Variants in CCM2 observed in about 807,000 individuals in gnomAD.
CCM2 encodes the protein cerebral cavernous malformations 2 protein.
In CCM2, 25 loss-of-function variants were observed where a neutral mutation model predicts 44.9. The observed-to-expected ratio is 0.56, with a 90% confidence interval of 0.41 to 0.78. The LOEUF (loss-of-function observed/expected upper bound fraction) is 0.78. Among genes scored for constraint, CCM2 ranks in the 30% least tolerant of loss-of-function variants. The pLI is 0.00. For missense variants in CCM2, 481 were observed against 580.6 expected, an observed-to-expected ratio of 0.83 and a Z score of 1.76; for synonymous variants, 219 against 241.1, an observed-to-expected ratio of 0.91 and a Z score of 0.85.
intron 2 of CCM2, among the ~76,000 whole-genome samples, chr7:45,049,951 G>T (rs1411461175): frequency 6.6e-6 from 1 of 152,186 alleles, no homozygotes; most frequent in Non-Finnish European, 1.5e-5. Flanking sequence ...ATTGTATTAG[G>T]TATAAGTAAT....
chr7:45,044,627 T>C (rs1295208903), intron 2 of CCM2, among the ~76,000 whole-genome samples: 2 of 152,222 alleles, frequency 1.3e-5, no homozygotes, highest in Non-Finnish European at 2.9e-5. Context: ...GGCTGTCTTT[T>C]TATGTTCAGT....
At chr7:45,020,095 A>C (rs1025369789) in intron 1 of CCM2, among the ~76,000 whole-genome samples, 1 of 151,020 alleles carries the variant, frequency 6.6e-6, no homozygotes, top group Non-Finnish European at 1.5e-5. Context: ...CAGGCCAATA[A>C]AATTGCAGCT....
At chr7:45,030,884 C>A (rs184390528) in intron 1 of CCM2, among the ~76,000 whole-genome samples, 1 of 151,790 alleles carries the variant, frequency 6.6e-6, no homozygotes, top group Non-Finnish European at 1.5e-5. Context: ...CCACCATGCC[C>A]GGCTAATTTT....
intron 2 of CCM2, among the ~76,000 whole-genome samples, chr7:45,056,281 C>A (rs1238632639): frequency 6.6e-6 from 1 of 152,194 alleles, no homozygotes; most frequent in Non-Finnish European, 1.5e-5. Flanking sequence ...ACAGGAGTAT[C>A]ATTTTACATT....
chr7:45,020,179 C>T (rs926002170), intron 1 of CCM2, among the ~76,000 whole-genome samples: 1 of 152,160 alleles, frequency 6.6e-6, no homozygotes, highest in Admixed American at 6.5e-5. Flanking sequence ...GTGGATCTTG[C>T]CCAGTGATGT....
At chr7:45,050,770 GT>G (rs1797966145) in intron 2 of CCM2, among the ~76,000 whole-genome samples, 1 of 152,112 alleles carries the variant, frequency 6.6e-6, no homozygotes, top group South Asian at 2.1e-4. Context: ...TGTAAAGTTA[GT>G]TTTAAATGTT....
chr7:45,068,867 C>T (rs1798917508), intron 5 of CCM2, among the ~76,000 whole-genome samples: 2 of 152,254 alleles, frequency 1.3e-5, no homozygotes. Flanking sequence ...GGTTCCCACC[C>T]CTGTGCCTTC....
intron 2 of CCM2, among the ~76,000 whole-genome samples, chr7:45,055,162 C>T (rs1798199974): frequency 6.6e-6 from 1 of 152,100 alleles, no homozygotes; most frequent in Non-Finnish European, 1.5e-5. Flanking sequence ...GTCGTGTCAC[C>T]CCAGCCACAG....
chr7:45,052,575 A>G (rs1562895568), intron 2 of CCM2, among the ~76,000 whole-genome samples: 2 of 152,242 alleles, frequency 1.3e-5, no homozygotes, highest in African/African-American at 2.4e-5. Context: ...TCCATCCCAC[A>G]TGAACATCAG....
intron 2 of CCM2, among the ~76,000 whole-genome samples, chr7:45,063,598 A>G (rs1317103947): frequency 1.3e-5 from 2 of 152,188 alleles, no homozygotes; most frequent in Admixed American, 6.5e-5. Context: ...AACCCTGACC[A>G]TCCCTGTTTT....
intron 7 of CCM2, 153 bp from the exon 8 acceptor site, chr7:45,073,307 C>T (rs1404282154): frequency 3.0e-6 from 2 of 663,852 alleles, no homozygotes; most frequent in African/African-American, 1.8e-5. Flanking sequence ...CCTGCATGCC[C>T]AGTCAGCTCT....
chr7:45,017,113 T>C (rs1263523951), intron 1 of CCM2, among the ~76,000 whole-genome samples: 1 of 152,234 alleles, frequency 6.6e-6, no homozygotes, highest in Non-Finnish European at 1.5e-5. Flanking sequence ...GGGGTACATG[T>C]GCAGGTTTGT....
intron 1 of CCM2, chr7:45,027,539 T>TTTC (rs1796744496): frequency 7.4e-7 from 1 of 1,343,616 alleles, no homozygotes; most frequent in African/African-American, 1.5e-5. Context: ...TTGCCAACAG[T>TTTC]TTCTGGGTGC....
chr7:45,027,026 G>C (rs1313685136), intron 1 of CCM2: 1 of 154,846 alleles, frequency 6.5e-6, no homozygotes, highest in Non-Finnish European at 1.4e-5. Flanking sequence ...AATTTGCCTT[G>C]AAGAAGTGAG....
rs1433475038 is a variant in CCM2 at position 45,002,929 on chromosome 7, G to T, written c.30+2566G>T. ...CTGGCCACTAAAGGTGTGGGGCCTGGGGAGTAGAAGTGACCACTTGGGGCT... is the reference window on the plus strand; with the variant it reads ...CTGGCCACTAAAGGTGTGGGGCCTGTGGAGTAGAAGTGACCACTTGGGGCT... On this transcript the variant is annotated intron_variant, in intron 1 of 9. Coordinates refer to ENST00000258781, the MANE Select transcript of CCM2 (RefSeq NM_031443.4). Among the ~76,000 whole-genome samples the T allele has an allele frequency of 3.3e-5, 5 of 152,252 alleles. No individual in the cohort carries two copies. In the East Asian group the frequency reaches 9.6e-4, roughly 29 times the overall value.
In CCM2 at chr7:45,064,466, G is replaced by C; in HGVS notation, c.292G>C (p.Ala98Pro). Residue 98 changes from alanine to proline, a missense_variant, in exon 4 of 10, where the codon GCC (alanine) becomes CCC (proline). Coordinates refer to ENST00000258781, the MANE Select transcript of CCM2 (RefSeq NM_031443.4). The stretch of plus-strand genomic sequence containing the variant: ...GATGCCCTGTGGTTCCTTCCAGAGA[G>C]CCCACCAGCTTCCGGGACACTTGAC... ...ILHFIDNAKR[A>P]HQLPGHLTQE... is the part of the protein sequence containing the mutation. The C allele has an allele frequency of 6.2e-7, 1 of 1,613,064 alleles. No individual in the cohort carries two copies. Among genetic ancestry groups the C allele is most frequent in the Non-Finnish European group, 8.5e-7 (1 of 1,179,844 alleles).
chr7:45,011,010 T>G (rs1189582873), intron 1 of CCM2, among the ~76,000 whole-genome samples: 1 of 152,198 alleles, frequency 6.6e-6, no homozygotes, highest in Non-Finnish European at 1.5e-5. Flanking sequence ...ACTGCCAAAC[T>G]TTCTGCTAAA....
In CCM2 at chr7:45,076,322, C is replaced by T; in HGVS notation, c.*265C>T. 1.5e-6 allele frequency: 1 copy of T among 646,800 alleles called. No homozygotes were observed. The highest frequency in any genetic ancestry group is 2.8e-6 in the Non-Finnish European group (1 of 351,078). 40.1% of individuals were successfully genotyped at this position (646,800 alleles called of 1,614,324 possible). ...GCAGTGTGTCCCCGCTCGGGGAGGGCCCGGCCGAGCGGGCAGGGAGAGCCA... is the reference window on the plus strand; with the variant it reads ...GCAGTGTGTCCCCGCTCGGGGAGGGTCCGGCCGAGCGGGCAGGGAGAGCCA... On this transcript the variant is annotated 3_prime_UTR_variant, in exon 10 of 10. Transcript: ENST00000258781.
chr7:45,017,326 C>T (rs1253938177), intron 1 of CCM2, among the ~76,000 whole-genome samples: 1 of 152,210 alleles, frequency 6.6e-6, no homozygotes, highest in East Asian at 1.9e-4. Flanking sequence ...AGTGCACAGC[C>T]TCTATAAACT....
Sources: allele counts gnomAD v4.1 joint callset (sites outside exome capture counted in the v4.1 genomes callset), GRCh38; gene constraint gnomAD v4.1.1; transcripts MANE v1.5; gene names NCBI Gene and HGNC (gene_info 2026-07-23, HGNC 2026-07-21).